Variants in NXPE2 observed in about 807,000 individuals in gnomAD.
NXPE2 encodes neurexophilin and PC-esterase domain family member 2, also known as NXPE family member 2.
NXPE2 carries 34 observed loss-of-function variants against 34.4 expected under a neutral mutation model. That is an observed-to-expected ratio of 0.99 (90% CI 0.75 to 1.31). The LOEUF (loss-of-function observed/expected upper bound fraction) is 1.31. Ranked by LOEUF, NXPE2 falls within the 40% of genes most tolerant of loss-of-function variation. NXPE2 has a pLI of 0.00. For missense variants in NXPE2, 649 were observed against 672.5 expected, an observed-to-expected ratio of 0.97 and a Z score of 0.39; for synonymous variants, 235 against 231.3, an observed-to-expected ratio of 1.02 and a Z score of -0.15.
the NXPE2 span, among the ~76,000 whole-genome samples, chr11:114,748,769 C>T: frequency 6.6e-6 from 1 of 152,090 alleles, no homozygotes; most frequent in Non-Finnish European, 1.5e-5. Context: ...CAAAGTCATT[C>T]TTTTTCCATT....
chr11:114,751,858 G>C, the NXPE2 span, among the ~76,000 whole-genome samples: 1 of 152,158 alleles, frequency 6.6e-6, no homozygotes, highest in Non-Finnish European at 1.5e-5. Flanking sequence ...AGGGGGGTTA[G>C]AGTCAGAGAA....
At chr11:114,636,157 T>A in the NXPE2 span, among the ~76,000 whole-genome samples, 1 of 151,958 alleles carries the variant, frequency 6.6e-6, no homozygotes, top group African/African-American at 2.4e-5. Context: ...TATTGGTCTA[T>A]TCAGAGATTC....
the NXPE2 span, among the ~76,000 whole-genome samples, chr11:114,811,276 G>GT: frequency 1.3e-5 from 2 of 151,638 alleles, no homozygotes; most frequent in African/African-American, 4.9e-5. Context: ...CATGGCACAT[G>GT]TATACATATG....
intron 3 of NXPE2, among the ~76,000 whole-genome samples, chr11:114,700,838 C>T (rs1263018850): frequency 1.3e-5 from 2 of 152,098 alleles, no homozygotes; most frequent in Non-Finnish European, 2.9e-5. Flanking sequence ...TTTTATGGAT[C>T]ATTTAAAGAG....
At chr11:114,585,582 CAAAT>C in the NXPE2 span, among the ~76,000 whole-genome samples, 9 of 151,786 alleles carry the variant, frequency 5.9e-5, no homozygotes, top group Non-Finnish European at 1.3e-4. Context: ...GAGAAAATGA[CAAAT>C]ATATGTACGT....
the NXPE2 span, chr11:114,584,283 C>T: frequency 3.9e-6 from 2 of 507,772 alleles, no homozygotes; most frequent in Non-Finnish European, 8.0e-6. Flanking sequence ...ATTTCAAGCC[C>T]TACATCAGTC....
chr11:114,725,800 T>A, the NXPE2 span, among the ~76,000 whole-genome samples: 1 of 151,558 alleles, frequency 6.6e-6, no homozygotes, highest in South Asian at 2.1e-4. Context: ...GTTCTCTTCA[T>A]TTACGTGCAT....
chr11:114,635,770 T>C, the NXPE2 span, among the ~76,000 whole-genome samples: 1 of 152,126 alleles, frequency 6.6e-6, no homozygotes, highest in South Asian at 2.1e-4. Context: ...ATTACATTTA[T>C]TGATTTGCAT....
the NXPE2 span, among the ~76,000 whole-genome samples, chr11:114,631,107 T>A: frequency 1.5e-4 from 23 of 151,936 alleles, no homozygotes; most frequent in Admixed American, 1.2e-3. Context: ...ATTGTGGAAG[T>A]CAGTGTGGCG....
the NXPE2 span, among the ~76,000 whole-genome samples, chr11:114,721,502 G>T: frequency 1.8e-4 from 28 of 152,218 alleles, no homozygotes; most frequent in African/African-American, 5.8e-4. Flanking sequence ...GGGAGCCTGA[G>T]CACACCTGCA....
chr11:114,499,367 G>C, the NXPE2 span, among the ~76,000 whole-genome samples: 1 of 151,742 alleles, frequency 6.6e-6, no homozygotes, highest in African/African-American at 2.4e-5. Flanking sequence ...AATTTCTCTT[G>C]ATCTCTTAGG....
the NXPE2 span, chr11:114,528,698 C>A: frequency 2.1e-6 from 1 of 470,738 alleles, no homozygotes; most frequent in East Asian, 3.0e-5. Flanking sequence ...CACTTTGTTT[C>A]AAACCTCTGT....
the NXPE2 span, among the ~76,000 whole-genome samples, chr11:114,486,685 G>A: frequency 6.6e-6 from 1 of 151,998 alleles, no homozygotes; most frequent in East Asian, 1.9e-4. Flanking sequence ...TATGGTGAGA[G>A]ATAGGGGTTG....
upstream of NXPE2, among the ~76,000 whole-genome samples, chr11:114,677,521 A>C (rs1246064454): frequency 6.6e-6 from 1 of 152,072 alleles, no homozygotes; most frequent in Non-Finnish European, 1.5e-5. Context: ...GTGGGGAAGA[A>C]TTGGCAGGAT....
intron 2 of NXPE2, among the ~76,000 whole-genome samples, chr11:114,695,830 A>AACACACACACAAACACAC (rs1951240144): frequency 7.5e-6 from 1 of 132,536 alleles, no homozygotes; most frequent in Non-Finnish European, 1.6e-5. Context: ...GTCTCTACTA[A>AACACACACACAAACACAC]ACACACACAC....
At chr11:114,761,063 T>C in the NXPE2 span, among the ~76,000 whole-genome samples, 1 of 152,200 alleles carries the variant, frequency 6.6e-6, no homozygotes, top group Non-Finnish European at 1.5e-5. Flanking sequence ...TAGGGACTCC[T>C]ACGGTGCATT....
the NXPE2 span, among the ~76,000 whole-genome samples, chr11:114,772,083 C>G: frequency 6.6e-6 from 1 of 152,158 alleles, no homozygotes; most frequent in African/African-American, 2.4e-5. Flanking sequence ...TGAAAACGGA[C>G]GCTTTGTGTG....
chr11:114,692,198 T>C (rs1951166496), intron 2 of NXPE2, among the ~76,000 whole-genome samples: 1 of 152,204 alleles, frequency 6.6e-6, no homozygotes, highest in Non-Finnish European at 1.5e-5. Context: ...CTTTAAATGC[T>C]CAAAATGGTG....
the NXPE2 span, chr11:114,584,105 G>A: frequency 3.4e-6 from 1 of 292,368 alleles, no homozygotes; most frequent in Non-Finnish European, 6.7e-6. Context: ...TGCCAAGTGT[G>A]TGGAATCTGT....
Sources: gnomAD v4.1 joint callset for allele counts (sites outside exome capture counted in the v4.1 genomes callset) on GRCh38, gnomAD v4.1.1 for gene constraint, MANE v1.5 for transcripts, NCBI Gene and HGNC (gene_info 2026-07-23, HGNC 2026-07-21) for gene names.